STXBP5L: variants seen among roughly 807,000 people sequenced by gnomAD.
The protein encoded by STXBP5L is syntaxin binding protein 5L.
In STXBP5L, 65 loss-of-function variants were observed where a neutral mutation model predicts 144.5. That is an observed-to-expected ratio of 0.45 (90% CI 0.37 to 0.55). The LOEUF (loss-of-function observed/expected upper bound fraction) is 0.55, where lower values mean the gene tolerates loss of function less well. Ranked by LOEUF, STXBP5L falls within the 20% of genes least tolerant of loss-of-function variation. The pLI is 0.00. For synonymous variants in STXBP5L, 505 were observed against 469.6 expected, an observed-to-expected ratio of 1.08 and a Z score of -0.97; for missense variants, 1,298 against 1,405.5, an observed-to-expected ratio of 0.92 and a Z score of 1.22.
chr3:121,351,761 G>A (rs2045290898), intron 20 of STXBP5L, among the ~76,000 whole-genome samples: 1 of 152,084 alleles, frequency 6.6e-6, no homozygotes, highest in Non-Finnish European at 1.5e-5. Flanking sequence ...TGAAGTCCTT[G>A]CCCATGTCCT....
At chr3:120,939,814 G>A (rs915258665) in intron 2 of STXBP5L, among the ~76,000 whole-genome samples, 11 of 152,090 alleles carry the variant, frequency 7.2e-5, no homozygotes, top group Non-Finnish European at 1.0e-4. Context: ...CATGGTTTCC[G>A]GTACAAGTAT....
chr3:121,238,999 A>T lies in STXBP5L; in HGVS notation c.1213A>T (p.Met405Leu). 1 of 1,607,342 alleles carries T rather than the reference A, an allele frequency of 6.2e-7. No individual in the cohort carries two copies. The highest frequency in any genetic ancestry group is 8.5e-7 in the Non-Finnish European group (1 of 1,176,902). ...NFPIFENPYP[M>L]DIHESPVTCT... Reference sequence around the variant, plus strand: ...TCCAATCTTTGAAAATCCATATCCCATGGACATTCATGAATCACCAGTTAC... The same window carrying T: ...TCCAATCTTTGAAAATCCATATCCCTTGGACATTCATGAATCACCAGTTAC... The change falls in exon 13 of 27, where the codon ATG becomes TTG. Residue 405 changes from methionine to leucine, a missense_variant. Met to Leu is a conservative substitution (Grantham distance 15). Coordinates refer to ENST00000471454, the MANE Select transcript of STXBP5L (RefSeq NM_001308330.2).
intron 20 of STXBP5L, among the ~76,000 whole-genome samples, chr3:121,360,849 T>C (rs2045691600): frequency 6.6e-6 from 1 of 152,154 alleles, no homozygotes; most frequent in African/African-American, 2.4e-5. Context: ...TGTTATAATA[T>C]TTTATGCTTT....
chr3:121,034,326 C>G (rs1023428191), intron 3 of STXBP5L, among the ~76,000 whole-genome samples: 8 of 152,086 alleles, frequency 5.3e-5, no homozygotes, highest in Admixed American at 5.2e-4. Context: ...TCTATTATTT[C>G]ACACTTTATG....
chr3:121,075,151 C>G (rs1234209684), intron 5 of STXBP5L, among the ~76,000 whole-genome samples: 4 of 152,196 alleles, frequency 2.6e-5, no homozygotes, highest in Non-Finnish European at 5.9e-5. Flanking sequence ...TTCTGAACCC[C>G]TTGACTGGTG....
Position 121,150,886 on chromosome 3 carries a change from G to A in STXBP5L, c.670-1591G>A, listed in dbSNP as rs1038870821. 2.6e-5 allele frequency among the ~76,000 whole-genome samples: 4 copies of A among 152,030 alleles called. No homozygotes were observed. In the East Asian group the frequency reaches 5.8e-4, roughly 22 times the overall value. On this transcript the variant is annotated intron_variant, in intron 7 of 26. Transcript: ENST00000471454. ...GCAGATCACTTGAGGTCAGGAGTTC[G>A]AAACCAGCCTGGCCAACGTGGTGAA...
At chr3:121,226,211 T>TA (rs1430225944) in intron 11 of STXBP5L, among the ~76,000 whole-genome samples, 2 of 152,196 alleles carry the variant, frequency 1.3e-5, no homozygotes, top group African/African-American at 4.8e-5. Flanking sequence ...TACCTTTGGC[T>TA]AAAAGACATG....
chr3:121,346,808 TTTC>T (rs2045009604), intron 20 of STXBP5L, among the ~76,000 whole-genome samples: 1 of 152,208 alleles, frequency 6.6e-6, no homozygotes, highest in African/African-American at 2.4e-5. Flanking sequence ...TGTTTGTTGT[TTTC>T]TTGTAAATTT....
chr3:121,148,168 C>T (rs112620462), intron 7 of STXBP5L, among the ~76,000 whole-genome samples: 2,545 of 151,862 alleles, frequency 0.017, 65 homozygotes, highest in African/African-American at 0.057. Context: ...AAGATGAGAG[C>T]GGAAATTAAA....
In STXBP5L at chr3:121,073,555, C is replaced by T. The variant is rs139185223; in HGVS notation, c.470+28020C>T. On this transcript the variant is annotated intron_variant, in intron 5 of 26. Transcript: ENST00000471454. The stretch of plus-strand genomic sequence containing the variant: ...AGTACCATGACCCTAGTGTTTGTAC[C>T]AAGATTCCTGTAGCTATTCCTTTTC... Among the ~76,000 whole-genome samples, 196 of 152,244 alleles carry T rather than the reference C, an allele frequency of 1.3e-3. 1 individual carries two copies. The highest frequency in any genetic ancestry group is 4.5e-3 in the African/African-American group (188 of 41,542).
intron 5 of STXBP5L, among the ~76,000 whole-genome samples, chr3:121,110,251 G>A (rs1435829857): frequency 6.6e-6 from 1 of 152,194 alleles, no homozygotes; most frequent in East Asian, 1.9e-4. Flanking sequence ...CAGTCATCAT[G>A]ATGCCAACTG....
intron 10 of STXBP5L, among the ~76,000 whole-genome samples, chr3:121,220,291 T>A (rs888958148): frequency 2.6e-5 from 4 of 152,146 alleles, no homozygotes; most frequent in African/African-American, 4.8e-5. Context: ...CCAAGTTATG[T>A]ATCCATAATT....
chr3:121,065,230 G>T (rs1480262191), intron 5 of STXBP5L, among the ~76,000 whole-genome samples: 1 of 152,138 alleles, frequency 6.6e-6, no homozygotes, highest in East Asian at 1.9e-4. Context: ...TTGGTAGAAT[G>T]ATTTATTTTC....
At chr3:121,113,054 G>A (rs1190559508) in intron 5 of STXBP5L, among the ~76,000 whole-genome samples, 1 of 152,106 alleles carries the variant, frequency 6.6e-6, no homozygotes, top group Non-Finnish European at 1.5e-5. Flanking sequence ...GGTGAAACCT[G>A]TCTGATATAA....
chr3:121,082,330 A>T, intron 5 of STXBP5L, among the ~76,000 whole-genome samples: 1 of 151,922 alleles, frequency 6.6e-6, no homozygotes, highest in Non-Finnish European at 1.5e-5. Flanking sequence ...TGTACATGTC[A>T]TGTTAGATCT....
At chr3:121,109,247 T>G (rs1173003475) in intron 5 of STXBP5L, among the ~76,000 whole-genome samples, 2 of 152,186 alleles carry the variant, frequency 1.3e-5, no homozygotes, top group African/African-American at 4.8e-5. Context: ...AGTTCTGCTC[T>G]GATCTTGGTT....
At chr3:121,029,550 A>T (rs921239256) in intron 3 of STXBP5L, among the ~76,000 whole-genome samples, 1 of 152,198 alleles carries the variant, frequency 6.6e-6, no homozygotes, top group African/African-American at 2.4e-5. Context: ...TTAAAGACTT[A>T]AACGTAAGAC....
Position 121,407,533 on chromosome 3 carries a change from A to G in STXBP5L, c.2878A>G (p.Asn960Asp), listed in dbSNP as rs1171968401. ...ITETSFILQA[N>D]VVVMCSSACL... ...GGAGACATCTTTTATACTGCAAGCA[A>G]ATGTGGTGGTCATGTGTAGCAGTGC... The change falls in exon 23 of 27, where the codon AAT becomes GAT. Residue 960 changes from asparagine to aspartate, a missense_variant. Transcript: ENST00000471454. 1.2e-6 allele frequency: 2 copies of G among 1,613,418 alleles called. No individual in the cohort carries two copies. The highest frequency in any genetic ancestry group is 1.7e-6 in the Non-Finnish European group (2 of 1,179,562).
chr3:120,911,206 G>T (rs1397119005), intron 2 of STXBP5L, among the ~76,000 whole-genome samples: 2 of 152,084 alleles, frequency 1.3e-5, no homozygotes, highest in South Asian at 2.1e-4. Context: ...GGCTGTTGAG[G>T]TCATAAAGCT....
Sources: allele counts gnomAD v4.1 joint callset (sites outside exome capture counted in the v4.1 genomes callset), GRCh38; gene constraint gnomAD v4.1.1; transcripts MANE v1.5; gene names NCBI Gene and HGNC (gene_info 2026-07-23, HGNC 2026-07-21).